The following EBF2 variants were observed in gnomAD, a reference collection of about 807,000 sequenced individuals.
EBF2 encodes the protein EBF transcription factor 2, also known as transcription factor COE2.
In EBF2, 21 loss-of-function variants were observed where a neutral mutation model predicts 72.8. The observed-to-expected ratio is 0.29, with a 90% confidence interval of 0.20 to 0.42. The LOEUF is 0.42. EBF2 is among the 10% of genes least tolerant of loss of function. The pLI is 1.00. For missense variants in EBF2, 637 were observed against 731.2 expected (o/e 0.87, Z 1.49); for synonymous variants, 299 against 274.2 (o/e 1.09, Z -0.89).
rs1802232052 is a variant in EBF2 at position 25,862,701 on chromosome 8, CA to C, written c.1098+7del. 1.3e-6 allele frequency: 2 copies of C among 1,581,164 alleles called. No homozygotes were observed. The highest frequency in any genetic ancestry group is 2.7e-5 in the African/African-American group (2 of 73,772). On this transcript the variant is annotated splice_region_variant and intron_variant, in intron 11 of 15. Coordinates refer to ENST00000520164, the MANE Select transcript of EBF2 (RefSeq NM_022659.4). Reference sequence around the variant, plus strand: ...TGGCTTCACATGTCAATTTCCAAAGCACATTACCTTAGCTAATCTCTCAGGA... The same window carrying C: ...TGGCTTCACATGTCAATTTCCAAAGCCATTACCTTAGCTAATCTCTCAGGA...
chr8:26,044,236 G>A lies in EBF2; in HGVS notation c.131+493C>T, dbSNP rs1355781391. Among the ~76,000 whole-genome samples the A allele has an allele frequency of 2.0e-5, 3 of 152,110 alleles. No homozygotes were observed. The highest frequency in any genetic ancestry group is 4.4e-5 in the Non-Finnish European group (3 of 68,004). On this transcript the variant is annotated intron_variant, in intron 1 of 15. Coordinates refer to ENST00000520164, the MANE Select transcript of EBF2 (RefSeq NM_022659.4). The surrounding 1 kb of genome is among the most constrained non-coding windows in gnomAD (Gnocchi z 4.1). ...GGCTTTTCCCGCTCCCCTCGCCGCC[G>A]CCACCCTCTGGCCGCCGGCCTCCCA...
At chr8:25,962,106 T>C (rs897305873) in intron 6 of EBF2, among the ~76,000 whole-genome samples, 1 of 152,180 alleles carries the variant, frequency 6.6e-6, no homozygotes, top group African/African-American at 2.4e-5. Context: ...GAATGCCACG[T>C]ACACGTCTTA....
At chr8:25,884,589 C>A (rs955065608) in intron 10 of EBF2, among the ~76,000 whole-genome samples, 15 of 152,184 alleles carry the variant, frequency 9.9e-5, no homozygotes, top group African/African-American at 3.4e-4. Context: ...ATAATACAAG[C>A]TTTATGAAGT....
At chr8:25,966,429 C>CAGA (rs1554476283) in intron 6 of EBF2, among the ~76,000 whole-genome samples, 1 of 152,188 alleles carries the variant, frequency 6.6e-6, no homozygotes, top group Non-Finnish European at 1.5e-5. Flanking sequence ...AATCACTTTC[C>CAGA]GGACTCTACC....
Position 26,033,094 on chromosome 8 carries a change from A to G in EBF2, c.542T>C (p.Ile181Thr). The G allele has an allele frequency of 6.2e-7, 1 of 1,614,086 alleles. No individual in the cohort carries two copies. Among genetic ancestry groups the G allele is most frequent in the African/African-American group, 1.3e-5 (1 of 75,056 alleles). Reference protein sequence around the residue: ...NRNETPSDPVIIDRFFLKFFL... With the variant: ...NRNETPSDPVTIDRFFLKFFL... ...CACTTTTTCCCCCTACCTGTCAATT[A>G]TGACTGGGTCCGATGGAGTCTCATT... Residue 181 changes from isoleucine (I) to threonine (T), a missense_variant, in exon 6 of 16, where the codon ATA becomes ACA. Physicochemically the swap from Ile to Thr is moderately conservative, Grantham distance 89. Coordinates refer to ENST00000520164, the MANE Select transcript of EBF2 (RefSeq NM_022659.4).
intron 10 of EBF2, among the ~76,000 whole-genome samples, chr8:25,865,234 T>C (rs1351220373): frequency 6.6e-6 from 1 of 152,222 alleles, no homozygotes; most frequent in Non-Finnish European, 1.5e-5. Flanking sequence ...CACCTTCTTC[T>C]TTAGATCCCT....
intron 14 of EBF2, among the ~76,000 whole-genome samples, chr8:25,851,251 T>A (rs1801964349): frequency 6.6e-6 from 1 of 151,578 alleles, no homozygotes; most frequent in Middle Eastern, 3.2e-3. Context: ...AGGGTTAACA[T>A]CTTCTCTGAG....
At chr8:25,996,693 G>T (rs1418793182) in intron 6 of EBF2, among the ~76,000 whole-genome samples, 1 of 151,908 alleles carries the variant, frequency 6.6e-6, no homozygotes, top group Non-Finnish European at 1.5e-5. Flanking sequence ...AATTAACAAA[G>T]ATTAAAGTAG....
intron 6 of EBF2, among the ~76,000 whole-genome samples, chr8:25,917,326 G>C (rs903313953): frequency 5.9e-5 from 9 of 151,926 alleles, no homozygotes; most frequent in Non-Finnish European, 1.3e-4. Context: ...TTTGTACTCA[G>C]ATAAAAATCT....
chr8:26,039,754 CA>C (rs1563216641), intron 5 of EBF2, among the ~76,000 whole-genome samples: 5 of 152,358 alleles, frequency 3.3e-5, no homozygotes, highest in Admixed American at 3.3e-4. Flanking sequence ...CTACCACTGA[CA>C]AGGGCACAGT....
At chr8:26,011,293 A>T (rs1001354870) in intron 6 of EBF2, among the ~76,000 whole-genome samples, 1 of 152,224 alleles carries the variant, frequency 6.6e-6, no homozygotes, top group Non-Finnish European at 1.5e-5. Flanking sequence ...TTGTGAAACA[A>T]CTAACCTGTT....
chr8:26,010,350 G>A (rs932692894), intron 6 of EBF2, among the ~76,000 whole-genome samples: 2 of 152,224 alleles, frequency 1.3e-5, no homozygotes, highest in Non-Finnish European at 2.9e-5. Flanking sequence ...CCTTTCAGGG[G>A]CCCATCAGGG....
intron 8 of EBF2, 146 bp downstream of exon 8, chr8:25,889,606 G>T: frequency 3.2e-6 from 2 of 623,982 alleles, no homozygotes; most frequent in East Asian, 2.9e-5. Flanking sequence ...TGGAGTCTGT[G>T]TTTACAACTT....
chr8:25,909,480 A>G (rs1404815156), intron 6 of EBF2, among the ~76,000 whole-genome samples: 7 of 151,898 alleles, frequency 4.6e-5, no homozygotes, highest in African/African-American at 1.7e-4. Context: ...TTCTGTTACT[A>G]TGACAACGAA....
intron 10 of EBF2, 26 bp downstream of exon 10, chr8:25,886,729 T>A: frequency 4.4e-6 from 7 of 1,594,190 alleles, no homozygotes; most frequent in Non-Finnish European, 6.0e-6. Flanking sequence ...GAAGCCAGCC[T>A]CTCTTGGAAT....
intron 6 of EBF2, among the ~76,000 whole-genome samples, chr8:25,992,289 G>A (rs181749350): frequency 6.9e-5 from 9 of 131,284 alleles, no homozygotes; most frequent in Admixed American, 5.7e-4. Flanking sequence ...AGCCACGATC[G>A]CGCCATTGCA....
intron 6 of EBF2, among the ~76,000 whole-genome samples, chr8:25,943,773 C>T (rs1302301823): frequency 6.6e-6 from 1 of 152,190 alleles, no homozygotes; most frequent in African/African-American, 2.4e-5. Flanking sequence ...TAATTCTCAG[C>T]TGAAACATCA....
intron 3 of EBF2, 96 bp from the exon 4 acceptor site, chr8:26,040,767 C>G: frequency 6.6e-7 from 1 of 1,504,742 alleles, no homozygotes; most frequent in South Asian, 1.2e-5. Context: ...CAAGCAGCCT[C>G]TCCATGCTGA....
chr8:26,039,040 A>G (rs906368445), intron 5 of EBF2, among the ~76,000 whole-genome samples: 1 of 152,134 alleles, frequency 6.6e-6, no homozygotes, highest in Non-Finnish European at 1.5e-5. Flanking sequence ...GAAGAAAAGC[A>G]TGTATGGAGC....
Sources: gnomAD v4.1 joint callset for allele counts (sites outside exome capture counted in the v4.1 genomes callset) on GRCh38, gnomAD v4.1.1 for gene constraint, Gnocchi (gnomAD v3.1) non-coding constraint, MANE v1.5 for transcripts, NCBI Gene and HGNC (gene_info 2026-07-23, HGNC 2026-07-21) for gene names.